BLTP3A: variants seen among roughly 807,000 people sequenced by gnomAD.
The protein encoded by BLTP3A is ICBP90 binding protein 1.
At chr6:34,850,297 G>C in the BLTP3A span, among the ~76,000 whole-genome samples, 4 of 151,990 alleles carry the variant, frequency 2.6e-5, no homozygotes, top group Non-Finnish European at 4.4e-5. Context: ...CTCTATCCTT[G>C]ACTTTTGGGA....
the BLTP3A span, among the ~76,000 whole-genome samples, chr6:34,810,102 G>A: frequency 7.9e-5 from 12 of 152,226 alleles, 1 homozygote; most frequent in South Asian, 2.1e-3. Flanking sequence ...CTGAAGTGGC[G>A]GATACCGGGA....
chr6:34,815,849 T>C, the BLTP3A span, among the ~76,000 whole-genome samples: 1 of 152,194 alleles, frequency 6.6e-6, no homozygotes, highest in Non-Finnish European at 1.5e-5. Flanking sequence ...GATTTCACCA[T>C]GTTGGCCAGG....
the BLTP3A span, chr6:34,870,813 T>G: frequency 6.2e-7 from 1 of 1,604,396 alleles, no homozygotes; most frequent in Non-Finnish European, 8.5e-7. Flanking sequence ...GAAGACTCCC[T>G]GGCCGTTAAT....
the BLTP3A span, among the ~76,000 whole-genome samples, chr6:34,812,751 A>G: frequency 6.6e-6 from 1 of 152,160 alleles, no homozygotes; most frequent in Admixed American, 6.6e-5. Context: ...ACTGCACCTG[A>G]CCAATGAAGA....
At chr6:34,840,838 G>T in the BLTP3A span, among the ~76,000 whole-genome samples, 1 of 151,812 alleles carries the variant, frequency 6.6e-6, no homozygotes, top group Admixed American at 6.6e-5. Flanking sequence ...GGATGCTCTC[G>T]ATTCCCTGAC....
the BLTP3A span, among the ~76,000 whole-genome samples, chr6:34,829,231 A>G: frequency 6.6e-6 from 1 of 151,924 alleles, no homozygotes; most frequent in Non-Finnish European, 1.5e-5. Flanking sequence ...CCCAAGAGAA[A>G]CTCCATACAT....
the BLTP3A span, among the ~76,000 whole-genome samples, chr6:34,854,149 G>A: frequency 6.6e-6 from 1 of 152,136 alleles, no homozygotes; most frequent in Admixed American, 6.5e-5. Flanking sequence ...TTGACCCCAG[G>A]AAGCAGAGGT....
At chr6:34,847,253 A>G in the BLTP3A span, among the ~76,000 whole-genome samples, 1 of 150,756 alleles carries the variant, frequency 6.6e-6, no homozygotes, top group Non-Finnish European at 1.5e-5. Flanking sequence ...TTCCAAGAAC[A>G]CTTTCATGTA....
At chr6:34,871,171 G>T in the BLTP3A span, 1 of 1,558,922 alleles carries the variant, frequency 6.4e-7, no homozygotes, top group Non-Finnish European at 8.7e-7. Flanking sequence ...TTTTGCCCTG[G>T]ACTTTGTCAA....
the BLTP3A span, among the ~76,000 whole-genome samples, chr6:34,869,261 C>G: frequency 6.6e-6 from 1 of 152,088 alleles, no homozygotes; most frequent in Non-Finnish European, 1.5e-5. Flanking sequence ...GTCAGCCTCC[C>G]AAAGTGCTGG....
chr6:34,864,466 A>G, the BLTP3A span, among the ~76,000 whole-genome samples: 2 of 151,222 alleles, frequency 1.3e-5, no homozygotes, highest in Non-Finnish European at 2.9e-5. Flanking sequence ...ACAGCCTTAT[A>G]GCTAAGTCAG....
chr6:34,840,425 G>T, the BLTP3A span, among the ~76,000 whole-genome samples: 7 of 149,108 alleles, frequency 4.7e-5, no homozygotes, highest in Admixed American at 2.0e-4. Context: ...AATTAGCTGG[G>T]CGTGGTGGCA....
chr6:34,798,594 C>CTTTCTT, the BLTP3A span, among the ~76,000 whole-genome samples: 6 of 94,492 alleles, frequency 6.3e-5, no homozygotes, highest in Non-Finnish European at 1.0e-4. Context: ...TTCTTTCTTT[C>CTTTCTT]TTTTTTTTTT....
At chr6:34,872,291 T>C in the BLTP3A span, 1 of 1,595,828 alleles carries the variant, frequency 6.3e-7, no homozygotes, top group Non-Finnish European at 8.5e-7. Flanking sequence ...TATTTAACTG[T>C]TAACTACTTA....
the BLTP3A span, among the ~76,000 whole-genome samples, chr6:34,802,356 A>G: frequency 8.9e-5 from 13 of 145,266 alleles, no homozygotes; most frequent in African/African-American, 3.3e-4. Context: ...ACAGGTGCCC[A>G]CCACCAAGCC....
the BLTP3A span, among the ~76,000 whole-genome samples, chr6:34,807,756 T>C: frequency 6.6e-6 from 1 of 152,320 alleles, no homozygotes; most frequent in South Asian, 2.1e-4. Context: ...ATAGAAAATG[T>C]AGGCTGGGTG....
chr6:34,855,840 C>G, the BLTP3A span: 1 of 1,480,266 alleles, frequency 6.8e-7, no homozygotes, highest in African/African-American at 1.4e-5. Context: ...TGGAAATATC[C>G]CTCTTCAAGA....
chr6:34,837,792 CCACT>C, the BLTP3A span, among the ~76,000 whole-genome samples: 927 of 152,292 alleles, frequency 6.1e-3, 10 homozygotes, highest in African/African-American at 0.021. Context: ...AAATAATTTG[CCACT>C]CACTCATTTT....
chr6:34,809,970 C>A, the BLTP3A span, among the ~76,000 whole-genome samples: 1 of 151,882 alleles, frequency 6.6e-6, no homozygotes, highest in Non-Finnish European at 1.5e-5. Context: ...ATAAAGTAAG[C>A]CAGAGAAAAG....
Sources: gnomAD v4.1 joint callset for allele counts (sites outside exome capture counted in the v4.1 genomes callset) on GRCh38, gnomAD v4.1.1 for gene constraint, MANE v1.5 for transcripts, NCBI Gene and HGNC (gene_info 2026-07-23, HGNC 2026-07-21) for gene names.